TRPM6: variants seen among roughly 807,000 people sequenced by gnomAD.
TRPM6 encodes the protein channel kinase 2.
TRPM6 carries 111 observed loss-of-function variants against 247.6 expected under a neutral mutation model. The ratio of observed to expected loss-of-function variants is 0.45; its 90% CI spans 0.38 to 0.52. TRPM6 has a LOEUF of 0.52. TRPM6 is among the 20% of genes least tolerant of loss of function. TRPM6 has a pLI of 0.00. For missense variants in TRPM6, 2,126 were observed against 2,421.5 expected, an observed-to-expected ratio of 0.88 and a Z score of 2.56; for synonymous variants, 892 against 853.8, an observed-to-expected ratio of 1.04 and a Z score of -0.78.
At position 74,792,700 on chromosome 9, in the gene TRPM6, C is replaced by T. The variant is rs1164950703; in HGVS notation, c.2462G>A (p.Gly821Glu). The change falls in exon 19 of 39, where the codon GGG becomes GAG. Residue 821 changes from glycine (G) to glutamate (E), a missense_variant. Gly to Glu is a moderately conservative substitution (Grantham distance 98). Transcript: ENST00000360774. ...DENQHFGLES[G>E]HQHLPWTRKV... ...CCTGGTCCACGGAAGGTGTTGGTGC[C>T]CACTTTCCAAACCAAAATGCTGATT... The T allele has an allele frequency of 6.2e-7, 1 of 1,613,596 alleles. No homozygotes were observed. The highest frequency in any genetic ancestry group is 8.5e-7 in the Non-Finnish European group (1 of 1,179,694).
Position 74,738,399 on chromosome 9 carries a change from T to C in TRPM6, c.5776+8A>G, listed in dbSNP as rs1274879120. On this transcript the variant is annotated splice_region_variant and intron_variant, in intron 36 of 38. Coordinates refer to ENST00000360774, the MANE Select transcript of TRPM6 (RefSeq NM_017662.5). ...GCTTGTTGTATCAAATCCTACATCATCAATCACCTTGCAAATCTAAAACCA... is the reference window on the plus strand; with the variant it reads ...GCTTGTTGTATCAAATCCTACATCACCAATCACCTTGCAAATCTAAAACCA... 4 of 1,613,412 alleles carry C rather than the reference T, an allele frequency of 2.5e-6. No individual in the cohort carries two copies. The highest frequency in any genetic ancestry group is 2.2e-5 in the East Asian group (1 of 44,880).
chr9:74,877,828 C>A (rs1459241308), intron 1 of TRPM6, among the ~76,000 whole-genome samples: 1 of 152,182 alleles, frequency 6.6e-6, no homozygotes, highest in East Asian at 1.9e-4. Flanking sequence ...AGCAGGGCCA[C>A]AATGCAGCCG....
chr9:74,744,517 G>C lies in TRPM6; in HGVS notation c.5084-372C>G, dbSNP rs548819400. Among the ~76,000 whole-genome samples the C allele has an allele frequency of 3.9e-5, 6 of 152,200 alleles. No homozygotes were observed. In the East Asian group the frequency reaches 7.7e-4, roughly 20 times the overall value. Reference sequence around the variant, plus strand: ...AGCTCCCTACCAAGATGCAGTGCCCGTAGAAAGACAGTATTAATACCAAGT... The same window carrying C: ...AGCTCCCTACCAAGATGCAGTGCCCCTAGAAAGACAGTATTAATACCAAGT... On this transcript the variant is annotated intron_variant, in intron 31 of 38. Coordinates refer to ENST00000360774, the MANE Select transcript of TRPM6 (RefSeq NM_017662.5).
intron 21 of TRPM6, among the ~76,000 whole-genome samples, chr9:74,783,325 C>T (rs1827529019): frequency 6.6e-6 from 1 of 152,104 alleles, no homozygotes. Flanking sequence ...CAACTCAGTC[C>T]ATTAGTTTAC....
In TRPM6 at chr9:74,812,391, C is replaced by A. The variant is rs766032778; in HGVS notation, c.1351G>T (p.Asp451Tyr). Residue 451 changes from aspartate to tyrosine, a missense_variant, in exon 12 of 39, where the codon GAT becomes TAT. Around this residue, in one of 3 missense-constraint regions of TRPM6, gnomAD observed 1,082 missense variants for 1,307.9 expected, o/e 0.83. Transcript: ENST00000360774. ...AAGAGCTTCACAAAATCCACCCGAT[C>A]CATCACTAAAGCATCTGACATTGCT... is the stretch of plus-strand genomic sequence containing the variant. ...EQAMSDALVM[D>Y]RVDFVKLLIE... The A allele has an allele frequency of 2.5e-6, 4 of 1,613,908 alleles. No homozygotes were observed. The highest frequency in any genetic ancestry group is 3.4e-6 in the Non-Finnish European group (4 of 1,179,992).
intron 1 of TRPM6, among the ~76,000 whole-genome samples, chr9:74,863,731 C>T (rs1377796511): frequency 6.6e-6 from 1 of 151,962 alleles, no homozygotes; most frequent in African/African-American, 2.4e-5. Flanking sequence ...TACAGGCATG[C>T]ACCACCTACG....
intron 25 of TRPM6, among the ~76,000 whole-genome samples, chr9:74,768,189 C>T (rs1316818334): frequency 6.6e-6 from 1 of 152,132 alleles, no homozygotes; most frequent in Non-Finnish European, 1.5e-5. Flanking sequence ...TCTTCTAGTT[C>T]TCTTTATACT....
chr9:74,774,930 A>G (rs1317268923), intron 24 of TRPM6, among the ~76,000 whole-genome samples: 1 of 152,224 alleles, frequency 6.6e-6, no homozygotes, highest in Non-Finnish European at 1.5e-5. Flanking sequence ...TTCAGTTTTC[A>G]GAGGTATTTT....
At chr9:74,853,290 C>A (rs968862025) in intron 3 of TRPM6, among the ~76,000 whole-genome samples, 2 of 151,562 alleles carry the variant, frequency 1.3e-5, no homozygotes, top group Non-Finnish European at 2.9e-5. Context: ...AGCGTCTCCG[C>A]CCGGCAGCCG....
chr9:74,862,717 C>T (rs962182528), intron 1 of TRPM6, among the ~76,000 whole-genome samples: 6 of 152,152 alleles, frequency 3.9e-5, no homozygotes, highest in African/African-American at 1.4e-4. Context: ...TGTGGTGGCT[C>T]ACGCCTGTAA....
chr9:74,738,645 C>T (rs753465580), intron 35 of TRPM6, 33 bp from the exon 36 acceptor site: 1 of 1,592,744 alleles, frequency 6.3e-7, no homozygotes, highest in Non-Finnish European at 8.6e-7. Context: ...TGATCCCCCA[C>T]AATACAGCAA....
chr9:74,802,011 C>A lies in TRPM6; in HGVS notation c.1896G>T (p.Glu632Asp). 2 of 1,614,228 alleles carry A rather than the reference C, an allele frequency of 1.2e-6. No individual in the cohort carries two copies. Among genetic ancestry groups the A allele is most frequent in the Non-Finnish European group, 1.7e-6 (2 of 1,180,036 alleles). The change falls in exon 16 of 39, where the codon GAG becomes GAT. Residue 632 changes from glutamate to aspartate, a missense_variant. By Grantham distance (45) the Glu-to-Asp change is conservative. Around this residue, in one of 3 missense-constraint regions of TRPM6, gnomAD observed 1,082 missense variants for 1,307.9 expected, o/e 0.83. Coordinates refer to ENST00000360774, the MANE Select transcript of TRPM6 (RefSeq NM_017662.5). ...CAATCACGGCTTTAACCGTGGCCTC[C>A]TCTCCATGCTGCCAGAAGAACATAG... ...KMAMFFWQHG[E>D]EATVKAVIAC...
intron 1 of TRPM6, chr9:74,887,309 G>A (rs1313137094): frequency 1.2e-5 from 17 of 1,371,722 alleles, no homozygotes; most frequent in Non-Finnish European, 1.6e-5. Flanking sequence ...GGCGCGGAGG[G>A]ACGGCCGTCT....
chr9:74,802,163 C>A lies in TRPM6; in HGVS notation c.1744G>T (p.Val582Phe), dbSNP rs371725015. 1.3e-4 allele frequency: 204 copies of A among 1,613,556 alleles called. No homozygotes were observed. The highest frequency in any genetic ancestry group is 1.6e-4 in the Non-Finnish European group (194 of 1,179,656). ...GACTTCTTCCTTGATTTATGAAGGACTATAGACTTTTCCTGTTGGAAAATA... is the reference window on the plus strand; with the variant it reads ...GACTTCTTCCTTGATTTATGAAGGAATATAGACTTTTCCTGTTGGAAAATA... ...QPYKFKEKSI[V>F]LHKSRKKSKE... Residue 582 changes from valine (V) to phenylalanine (F), a missense_variant, in exon 16 of 39, where the codon GTC becomes TTC. By Grantham distance (50) the Val-to-Phe change is conservative. This residue lies in a region of TRPM6 where 1,082 missense variants were observed against 1,307.9 expected (regional missense o/e 0.83). Transcript: ENST00000360774.
At chr9:74,864,400 T>C (rs1830782302) in intron 1 of TRPM6, among the ~76,000 whole-genome samples, 1 of 152,200 alleles carries the variant, frequency 6.6e-6, no homozygotes, top group African/African-American at 2.4e-5. Context: ...CAGGGCCTTC[T>C]ATCTGTCCAA....
chr9:74,775,234 A>G (rs1426936767), intron 24 of TRPM6, among the ~76,000 whole-genome samples: 1 of 152,218 alleles, frequency 6.6e-6, no homozygotes, highest in Non-Finnish European at 1.5e-5. Flanking sequence ...CCCAGGCCGA[A>G]GTGGCTATTC....
At chr9:74,878,933 A>G (rs541223039) in intron 1 of TRPM6, among the ~76,000 whole-genome samples, 2 of 152,318 alleles carry the variant, frequency 1.3e-5, no homozygotes, top group East Asian at 3.9e-4. Context: ...TCAATCTGCC[A>G]TTGAGCTATG....
chr9:74,824,360 C>A (rs1829252331), intron 7 of TRPM6, among the ~76,000 whole-genome samples: 1 of 151,484 alleles, frequency 6.6e-6, no homozygotes, highest in Non-Finnish European at 1.5e-5. Context: ...CCATGTTGGC[C>A]AGGCTGGACT....
At chr9:74,737,359 C>A in intron 36 of TRPM6, 1 of 1,287,826 alleles carries the variant, frequency 7.8e-7, no homozygotes, top group Non-Finnish European at 1.0e-6. Flanking sequence ...TCTTACCGGA[C>A]ATTGCTCATG....
Sources: allele counts gnomAD v4.1 joint callset (sites outside exome capture counted in the v4.1 genomes callset), GRCh38; gene constraint gnomAD v4.1.1; regional missense constraint gnomAD v4.1.1; transcripts MANE v1.5; gene names NCBI Gene and HGNC (gene_info 2026-07-23, HGNC 2026-07-21).